Variants in EFCAB6 observed in about 807,000 individuals in gnomAD.
The protein encoded by EFCAB6 is EF-hand calcium-binding domain-containing protein 6.
In EFCAB6, 156 loss-of-function variants were observed where a neutral mutation model predicts 169.8. The ratio of observed to expected loss-of-function variants is 0.92; its 90% CI spans 0.81 to 1.05. The LOEUF (loss-of-function observed/expected upper bound fraction) is 1.05, where lower values mean the gene tolerates loss of function less well. EFCAB6 is among the 50% of genes least tolerant of loss of function. The probability of loss-of-function intolerance (pLI) is 0.00; values close to 1 mark genes in which losing one functional copy is unlikely to be tolerated. For synonymous variants in EFCAB6, 698 were observed against 676.4 expected (o/e 1.03, Z -0.50); for missense variants, 1,800 against 1,829.1 (o/e 0.98, Z 0.29).
intron 17 of EFCAB6, among the ~76,000 whole-genome samples, chr22:43,640,906 C>A (rs758369689): frequency 1.9e-4 from 29 of 152,186 alleles, no homozygotes; most frequent in Non-Finnish European, 3.2e-4. Context: ...GGTGCTACAG[C>A]AAGCACATCC....
At chr22:43,728,992 G>A (rs778770619) in intron 8 of EFCAB6, among the ~76,000 whole-genome samples, 1 of 152,236 alleles carries the variant, frequency 6.6e-6, no homozygotes, top group African/African-American at 2.4e-5. Context: ...CCACGCCTAT[G>A]TCCTGAATGG....
At chr22:43,706,808 A>G (rs934450841) in intron 10 of EFCAB6, among the ~76,000 whole-genome samples, 1 of 152,232 alleles carries the variant, frequency 6.6e-6, no homozygotes, top group East Asian at 1.9e-4. Context: ...GTTTACTATA[A>G]AAGGCATTGC....
chr22:43,675,457 TG>T (rs1451769075), intron 13 of EFCAB6, among the ~76,000 whole-genome samples: 5 of 74,202 alleles, frequency 6.7e-5, no homozygotes, highest in East Asian at 6.4e-4. Context: ...GTATAATATA[TG>T]ATATAATATA....
chr22:43,672,708 T>A (rs1047143575), intron 13 of EFCAB6, among the ~76,000 whole-genome samples: 8 of 152,008 alleles, frequency 5.3e-5, no homozygotes, highest in Non-Finnish European at 1.2e-4. Flanking sequence ...ATTTTCACCC[T>A]CAGGAGAATG....
intron 8 of EFCAB6, among the ~76,000 whole-genome samples, chr22:43,717,739 T>C (rs1292461241): frequency 6.6e-6 from 1 of 152,140 alleles, no homozygotes; most frequent in Non-Finnish European, 1.5e-5. Context: ...CTTAAATCCT[T>C]TTCTAGAGTT....
intron 2 of EFCAB6, among the ~76,000 whole-genome samples, chr22:43,800,119 T>C (rs528015116): frequency 1.6e-4 from 24 of 152,150 alleles, no homozygotes; most frequent in African/African-American, 5.5e-4. Flanking sequence ...CAAATCAGAG[T>C]GTATTTTCAG....
chr22:43,756,847 C>G (rs532447794), intron 5 of EFCAB6, among the ~76,000 whole-genome samples: 2 of 152,180 alleles, frequency 1.3e-5, no homozygotes, highest in African/African-American at 4.8e-5. Flanking sequence ...GGCCATGAAG[C>G]CTTCCAGGCA....
intron 6 of EFCAB6, among the ~76,000 whole-genome samples, chr22:43,738,298 ACACT>A (rs947273606): frequency 8.6e-5 from 13 of 151,720 alleles, no homozygotes; most frequent in African/African-American, 1.5e-4. Flanking sequence ...GCATATACTC[ACACT>A]CACACCGTCA....
intron 17 of EFCAB6, among the ~76,000 whole-genome samples, chr22:43,647,799 A>G (rs1402071857): frequency 6.6e-6 from 1 of 152,190 alleles, no homozygotes; most frequent in African/African-American, 2.4e-5. Flanking sequence ...CCAGAGGCAG[A>G]GGTTGGAGCA....
intron 22 of EFCAB6, among the ~76,000 whole-genome samples, chr22:43,601,168 G>A (rs1369584846): frequency 6.6e-6 from 1 of 152,132 alleles, no homozygotes; most frequent in Non-Finnish European, 1.5e-5. Flanking sequence ...AGGAAAACAA[G>A]ATAAGAATTA....
At chr22:43,769,471 G>A (rs5764281) in intron 4 of EFCAB6, among the ~76,000 whole-genome samples, 12,494 of 152,152 alleles carry the variant, frequency 0.082, 659 homozygotes, top group South Asian at 0.2. Flanking sequence ...TTTAAAGGGT[G>A]AATTTTATGA....
chr22:43,780,005 T>G (rs765211723), intron 3 of EFCAB6, among the ~76,000 whole-genome samples: 8 of 152,174 alleles, frequency 5.3e-5, no homozygotes, highest in Admixed American at 1.3e-4. Flanking sequence ...AAAGTTAACC[T>G]TACTATTGAG....
intron 27 of EFCAB6, among the ~76,000 whole-genome samples, chr22:43,549,364 G>T (rs1330295612): frequency 6.6e-6 from 1 of 152,100 alleles, no homozygotes; most frequent in African/African-American, 2.4e-5. Flanking sequence ...TAAGGTATAA[G>T]TATAGATTCA....
chr22:43,528,898 A>G lies in EFCAB6; in HGVS notation c.4461T>C (p.Ser1487=), dbSNP rs2046894299. Residue 1487 remains serine (S), a synonymous_variant, in exon 32 of 32, where the codon TCT becomes TCC. Transcript: ENST00000262726. ...GGAAGTCGTTGTAGGAGATTTTTGA[A>G]GACAGCGTCTTATCGTAATACTCCA... ...HILEYYDKTL[S]SKISYNDFLR... The G allele has an allele frequency of 6.2e-7, 1 of 1,611,680 alleles. No individual in the cohort carries two copies. The highest frequency in any genetic ancestry group is 8.5e-7 in the Non-Finnish European group (1 of 1,178,144).
Position 43,782,271 on chromosome 22 carries a change from G to A in EFCAB6, c.48C>T (p.His16=). The change falls in exon 3 of 32, where the codon CAC becomes CAT. Residue 16 remains histidine (H), a synonymous_variant. Coordinates refer to ENST00000262726, the MANE Select transcript of EFCAB6 (RefSeq NM_022785.4). ...IIPDWLRSHP[H]TRKFTHSRPH... is the part of the protein sequence containing the mutation. ...GTCTTGAATGTGTAAATTTTCGTGT[G>A]TGAGGATGCGACCTAAGCCAGTCTG... The A allele has an allele frequency of 1.9e-6, 3 of 1,614,080 alleles. No individual in the cohort carries two copies. Among genetic ancestry groups the A allele is most frequent in the Non-Finnish European group, 1.7e-6 (2 of 1,179,950 alleles).
intron 26 of EFCAB6, among the ~76,000 whole-genome samples, chr22:43,555,298 C>T (rs555401765): frequency 6.6e-6 from 1 of 152,298 alleles, no homozygotes; most frequent in East Asian, 1.9e-4. Flanking sequence ...GGTTTCCTGC[C>T]ATGAAGGATC....
chr22:43,552,079 C>T (rs987094561), intron 27 of EFCAB6: 1 of 152,178 alleles, frequency 6.6e-6, no homozygotes, highest in Non-Finnish European at 1.5e-5. Flanking sequence ...GATCTACCCA[C>T]CTCAGCCTCC....
intron 24 of EFCAB6, 104 bp downstream of exon 24, chr22:43,589,970 C>T: frequency 1.4e-6 from 2 of 1,441,570 alleles, no homozygotes; most frequent in African/African-American, 1.4e-5. Context: ...AGGGTATTTT[C>T]ATCTCAGAAG....
chr22:43,750,355 C>T (rs1603322556), intron 6 of EFCAB6, among the ~76,000 whole-genome samples: 1 of 152,120 alleles, frequency 6.6e-6, no homozygotes, highest in African/African-American at 2.4e-5. Context: ...CACGGAGACA[C>T]AAGAATAAAA....
Sources: gnomAD v4.1 joint callset for allele counts (sites outside exome capture counted in the v4.1 genomes callset) on GRCh38, gnomAD v4.1.1 for gene constraint, MANE v1.5 for transcripts, NCBI Gene and HGNC (gene_info 2026-07-23, HGNC 2026-07-21) for gene names.